SUGCT: variants seen among roughly 807,000 people sequenced by gnomAD.
The protein encoded by SUGCT is succinyl-CoA:glutarate-CoA transferase, also known as succinyl-CoA:glutarate CoA-transferase.
Under a neutral mutation model 55.0 loss-of-function variants are expected in SUGCT, and 41 were observed. The observed-to-expected ratio is 0.74, with a 90% CI of 0.58 to 0.97. The LOEUF is 0.97. SUGCT is among the 50% of genes least tolerant of loss of function. The pLI is 0.00. For synonymous variants in SUGCT, 187 were observed against 200.4 expected, an observed-to-expected ratio of 0.93 and a Z score of 0.56; for missense variants, 568 against 547.8, an observed-to-expected ratio of 1.04 and a Z score of -0.37.
At chr7:40,491,329 G>A (rs538422805) in intron 11 of SUGCT, among the ~76,000 whole-genome samples, 11 of 152,200 alleles carry the variant, frequency 7.2e-5, no homozygotes, top group Non-Finnish European at 1.0e-4. Flanking sequence ...TAGTTACAGT[G>A]CGAATGGAGG....
intron 13 of SUGCT, among the ~76,000 whole-genome samples, chr7:40,848,108 G>A (rs1261947118): frequency 2.0e-5 from 3 of 152,182 alleles, no homozygotes; most frequent in Non-Finnish European, 4.4e-5. Flanking sequence ...ATTCCACACC[G>A]ATGGTGTAGA....
intron 12 of SUGCT, among the ~76,000 whole-genome samples, chr7:40,626,560 CT>C (rs1211720565): frequency 1.3e-5 from 2 of 152,092 alleles, no homozygotes; most frequent in Admixed American, 1.3e-4. Context: ...CCCAGAGAGA[CT>C]TTCATAGAAT....
At chr7:40,166,105 GA>G (rs1200080403) in intron 1 of SUGCT, among the ~76,000 whole-genome samples, 13 of 152,312 alleles carry the variant, frequency 8.5e-5, no homozygotes, top group Admixed American at 6.5e-4. Flanking sequence ...CTGGGTGACA[GA>G]GCTAGACTCC....
At chr7:40,763,688 C>T (rs372202246) in intron 13 of SUGCT, among the ~76,000 whole-genome samples, 7 of 152,050 alleles carry the variant, frequency 4.6e-5, no homozygotes, top group African/African-American at 1.4e-4. Context: ...TCCAGCTCAC[C>T]GGGCATTCAT....
chr7:40,201,939 A>G (rs1434733814), intron 6 of SUGCT, among the ~76,000 whole-genome samples: 1 of 152,118 alleles, frequency 6.6e-6, no homozygotes, highest in African/African-American at 2.4e-5. Context: ...ATGAAATCCC[A>G]GGCAAGTCCT....
At chr7:40,214,803 A>G (rs1787529632) in intron 6 of SUGCT, among the ~76,000 whole-genome samples, 1 of 151,874 alleles carries the variant, frequency 6.6e-6, no homozygotes, top group Non-Finnish European at 1.5e-5. Context: ...AGTCCCAGCT[A>G]CTCAGGAGGC....
chr7:41,016,232 T>C, the SUGCT span, among the ~76,000 whole-genome samples: 16 of 152,222 alleles, frequency 1.1e-4, no homozygotes, highest in Non-Finnish European at 2.4e-4. Flanking sequence ...ACTTTGGAAA[T>C]GTATTATTTA....
chr7:40,626,100 A>G (rs1325533194), intron 12 of SUGCT, among the ~76,000 whole-genome samples: 1 of 152,174 alleles, frequency 6.6e-6, no homozygotes, highest in Non-Finnish European at 1.5e-5. Context: ...CTTAACTACC[A>G]TACCAGGGCA....
At chr7:40,826,014 A>G (rs1792293067) in intron 13 of SUGCT, among the ~76,000 whole-genome samples, 2 of 152,224 alleles carry the variant, frequency 1.3e-5, no homozygotes, top group Admixed American at 6.5e-5. Context: ...TACAGACAAT[A>G]TATTAAGAAG....
chr7:40,889,336 C>A, the SUGCT span, among the ~76,000 whole-genome samples: 2 of 152,110 alleles, frequency 1.3e-5, no homozygotes, highest in African/African-American at 4.8e-5. Context: ...TAGTGGCAAT[C>A]CTTGAGGGTT....
At chr7:40,296,596 G>C (rs532776522) in intron 8 of SUGCT, among the ~76,000 whole-genome samples, 1 of 150,818 alleles carries the variant, frequency 6.6e-6, no homozygotes, top group African/African-American at 2.4e-5. Context: ...AAGGGAGAGA[G>C]ACAGAGTGAG....
chr7:40,385,829 A>G (rs1785093520), intron 9 of SUGCT, among the ~76,000 whole-genome samples: 1 of 152,168 alleles, frequency 6.6e-6, no homozygotes, highest in Non-Finnish European at 1.5e-5. Context: ...TGACGTGTGG[A>G]CGTTTCTTAT....
At chr7:40,183,631 A>AT (rs1785339885) in intron 3 of SUGCT, among the ~76,000 whole-genome samples, 1 of 152,008 alleles carries the variant, frequency 6.6e-6, no homozygotes, top group East Asian at 1.9e-4. Context: ...ACTCCTGGCC[A>AT]TTTTTTTCTA....
chr7:40,922,473 T>C, the SUGCT span, among the ~76,000 whole-genome samples: 1 of 152,194 alleles, frequency 6.6e-6, no homozygotes, highest in Non-Finnish European at 1.5e-5. Context: ...AGAGCTTGAC[T>C]CATGGGGCAG....
intron 13 of SUGCT, among the ~76,000 whole-genome samples, chr7:40,780,231 G>C (rs1372311073): frequency 6.6e-6 from 1 of 152,102 alleles, no homozygotes. Context: ...GAAATGTGGA[G>C]CTCTTTAACT....
At chr7:40,189,514 A>G in intron 4 of SUGCT, 30 bp from the exon 5 acceptor site, 1 of 497,038 alleles carries the variant, frequency 2.0e-6, no homozygotes, top group Non-Finnish European at 2.8e-6. Flanking sequence ...CATCGAAATA[A>G]TATATATATA....
At chr7:40,943,728 C>T in the SUGCT span, among the ~76,000 whole-genome samples, 7 of 151,612 alleles carry the variant, frequency 4.6e-5, no homozygotes, top group East Asian at 3.9e-4. Flanking sequence ...TGAATAGTGC[C>T]GCAATAAACA....
chr7:40,496,580 T>C (rs1791988229), intron 12 of SUGCT, among the ~76,000 whole-genome samples, 194 bp downstream of exon 12: 1 of 152,200 alleles, frequency 6.6e-6, no homozygotes, highest in African/African-American at 2.4e-5. Context: ...ATGTCTCTGT[T>C]AGATTTAATA....
intron 12 of SUGCT, among the ~76,000 whole-genome samples, chr7:40,609,330 G>A (rs962505514): frequency 4.6e-5 from 7 of 151,938 alleles, no homozygotes; most frequent in Non-Finnish European, 4.4e-5. Flanking sequence ...ACTTTGGGAG[G>A]CCGAGGCGGG....
Sources: gnomAD v4.1 joint callset for allele counts (sites outside exome capture counted in the v4.1 genomes callset) on GRCh38, gnomAD v4.1.1 for gene constraint, MANE v1.5 for transcripts, NCBI Gene and HGNC (gene_info 2026-07-23, HGNC 2026-07-21) for gene names.